LDB2: variants seen among roughly 807,000 people sequenced by gnomAD.
The protein encoded by LDB2 is LIM domain-binding protein 2.
LDB2 carries 12 observed loss-of-function variants against 44.3 expected under a neutral mutation model. The observed-to-expected ratio is 0.27, with a 90% CI of 0.17 to 0.44. LDB2 has a LOEUF of 0.44. Ranked by LOEUF, LDB2 falls within the 20% of genes least tolerant of loss-of-function variation. The probability of loss-of-function intolerance (pLI) is 1.00; values close to 1 mark genes in which losing one functional copy is unlikely to be tolerated. For missense variants in LDB2, 344 were observed against 473.5 expected (o/e 0.73, Z 2.54); for synonymous variants, 164 against 174.8 (o/e 0.94, Z 0.49).
chr4:16,658,028 T>C (rs1400117476), intron 2 of LDB2, among the ~76,000 whole-genome samples: 1 of 152,200 alleles, frequency 6.6e-6, no homozygotes, highest in East Asian at 1.9e-4. Context: ...TACGAGTATA[T>C]TGAAAACAAA....
chr4:16,865,393 A>G (rs1470104883), intron 1 of LDB2, among the ~76,000 whole-genome samples: 1 of 152,126 alleles, frequency 6.6e-6, no homozygotes, highest in Admixed American at 6.5e-5. Flanking sequence ...CAGGAAGGAA[A>G]AATAAGCATG....
At chr4:16,869,314 A>AAC (rs928918772) in intron 1 of LDB2, among the ~76,000 whole-genome samples, 3 of 151,860 alleles carry the variant, frequency 2.0e-5, no homozygotes, top group African/African-American at 7.3e-5. Flanking sequence ...ATAAAAAAAA[A>AAC]AAAAACTCAG....
chr4:16,710,064 T>C (rs1349940236), intron 2 of LDB2, among the ~76,000 whole-genome samples: 2 of 152,216 alleles, frequency 1.3e-5, no homozygotes, highest in African/African-American at 4.8e-5. Flanking sequence ...AAGTTTGCCA[T>C]AGATAATGTG....
intron 1 of LDB2, among the ~76,000 whole-genome samples, chr4:16,883,375 T>C (rs1027040044): frequency 3.3e-5 from 5 of 152,058 alleles, no homozygotes; most frequent in Non-Finnish European, 7.4e-5. Context: ...GGAAAGAAAA[T>C]ATTTCTCCGA....
chr4:16,779,149 C>T (rs113590121), intron 1 of LDB2, among the ~76,000 whole-genome samples: 6 of 152,252 alleles, frequency 3.9e-5, no homozygotes, highest in African/African-American at 7.2e-5. Flanking sequence ...GGGGAGCCTC[C>T]GCAGAACTTG....
chr4:16,672,920 T>C (rs1745275024), intron 2 of LDB2, among the ~76,000 whole-genome samples: 1 of 151,008 alleles, frequency 6.6e-6, no homozygotes, highest in Non-Finnish European at 1.5e-5. Context: ...ATCTTTTTTC[T>C]CTTCCTTCTC....
intron 1 of LDB2, among the ~76,000 whole-genome samples, chr4:16,851,763 G>A (rs550217464): frequency 1.2e-4 from 18 of 152,258 alleles, no homozygotes; most frequent in South Asian, 4.1e-4. Context: ...CAAATGAGAA[G>A]GAAGCGAAGA....
At chr4:16,546,279 G>A (rs1735701345) in intron 5 of LDB2, among the ~76,000 whole-genome samples, 1 of 152,188 alleles carries the variant, frequency 6.6e-6, no homozygotes, top group Admixed American at 6.5e-5. Flanking sequence ...AGAAGCACAG[G>A]TATCTACGTT....
chr4:16,628,805 C>T (rs1341870247), intron 2 of LDB2, among the ~76,000 whole-genome samples: 1 of 152,190 alleles, frequency 6.6e-6, no homozygotes, highest in Admixed American at 6.5e-5. Context: ...GGGGTGTCAC[C>T]TCACCCAGGA....
At chr4:16,839,223 A>T (rs143184753) in intron 1 of LDB2, among the ~76,000 whole-genome samples, 1 of 152,214 alleles carries the variant, frequency 6.6e-6, no homozygotes, top group Non-Finnish European at 1.5e-5. Context: ...TACTTGGCTC[A>T]TAATTCTGCT....
At chr4:16,809,137 A>G (rs1268876332) in intron 1 of LDB2, among the ~76,000 whole-genome samples, 2 of 152,180 alleles carry the variant, frequency 1.3e-5, no homozygotes, top group African/African-American at 4.8e-5. Flanking sequence ...TACAATTGAA[A>G]AGAGCCTGGG....
chr4:16,605,080 A>G (rs1481789743), intron 2 of LDB2, among the ~76,000 whole-genome samples: 1 of 152,302 alleles, frequency 6.6e-6, no homozygotes, highest in East Asian at 1.9e-4. Context: ...AACTTTAGCT[A>G]GTTCTATATT....
At chr4:16,599,798 G>C (rs1369923554) in intron 2 of LDB2, among the ~76,000 whole-genome samples, 1 of 152,188 alleles carries the variant, frequency 6.6e-6, no homozygotes, top group African/African-American at 2.4e-5. Context: ...ACTGAACCTG[G>C]AGTAGGTATA....
chr4:16,738,697 A>G (rs1474133031), intron 2 of LDB2, among the ~76,000 whole-genome samples: 2 of 152,254 alleles, frequency 1.3e-5, no homozygotes, highest in African/African-American at 2.4e-5. Context: ...GTTCACATGT[A>G]TTAAGTACAA....
intron 2 of LDB2, among the ~76,000 whole-genome samples, chr4:16,658,349 T>G (rs1191763179): frequency 6.6e-6 from 1 of 152,246 alleles, no homozygotes; most frequent in African/African-American, 2.4e-5. Context: ...GGTCTCTGCA[T>G]CCTTGAGGCC....
At chr4:16,890,088 C>T (rs191448923) in intron 1 of LDB2, among the ~76,000 whole-genome samples, 9 of 152,272 alleles carry the variant, frequency 5.9e-5, no homozygotes, top group East Asian at 1.9e-4. Flanking sequence ...GTTCCCTGAC[C>T]GAGGGCAAAG....
chr4:16,579,847 AC>A (rs2152416088), intron 5 of LDB2, among the ~76,000 whole-genome samples: 1 of 152,282 alleles, frequency 6.6e-6, no homozygotes, highest in African/African-American at 2.4e-5. Context: ...CTGGGTACTT[AC>A]GTGTCTTCAC....
chr4:16,808,874 C>T (rs756724407), intron 1 of LDB2, among the ~76,000 whole-genome samples: 48 of 152,096 alleles, frequency 3.2e-4, no homozygotes, highest in Non-Finnish European at 6.3e-4. Context: ...AGCTCTCCAC[C>T]GAAAATCTGT....
intron 2 of LDB2, among the ~76,000 whole-genome samples, chr4:16,708,936 C>G (rs1414130767): frequency 6.6e-6 from 1 of 152,044 alleles, no homozygotes; most frequent in Non-Finnish European, 1.5e-5. Flanking sequence ...TGCAAGCCAC[C>G]TCATCCTGCC....
Sources: allele counts gnomAD v4.1 joint callset (sites outside exome capture counted in the v4.1 genomes callset), GRCh38; gene constraint gnomAD v4.1.1; transcripts MANE v1.5; gene names NCBI Gene and HGNC (gene_info 2026-07-23, HGNC 2026-07-21).